The following ZBTB20 variants were observed in gnomAD, a reference collection of about 807,000 sequenced individuals.
The protein encoded by ZBTB20 is zinc finger and BTB domain containing 20, also known as zinc finger and BTB domain-containing protein 20.
In ZBTB20, 9 loss-of-function variants were observed where a neutral mutation model predicts 56.9. The ratio of observed to expected loss-of-function variants is 0.16; its 90% CI spans 0.10 to 0.28. The LOEUF is 0.28. Among genes scored for constraint, ZBTB20 ranks in the 10% least tolerant of loss-of-function variants. The probability of loss-of-function intolerance (pLI) is 1.00; values close to 1 mark genes in which losing one functional copy is unlikely to be tolerated. For synonymous variants in ZBTB20, 417 were observed against 420.7 expected (o/e 0.99, Z 0.11); for missense variants, 655 against 1,003.0 (o/e 0.65, Z 4.69).
intron 6 of ZBTB20, among the ~76,000 whole-genome samples, chr3:114,621,773 T>A (rs1286397557): frequency 6.6e-6 from 1 of 152,170 alleles, no homozygotes; most frequent in Admixed American, 6.5e-5. Flanking sequence ...ATTGAGTTAT[T>A]GACAGTGCAT....
chr3:114,549,196 A>G (rs1455545571), intron 6 of ZBTB20, among the ~76,000 whole-genome samples: 10 of 152,196 alleles, frequency 6.6e-5, no homozygotes, highest in Admixed American at 6.5e-4. Flanking sequence ...TGCTCATTTC[A>G]GATAGTCTCA....
At chr3:114,524,540 T>C (rs1372133815) in intron 6 of ZBTB20, among the ~76,000 whole-genome samples, 2 of 152,138 alleles carry the variant, frequency 1.3e-5, no homozygotes, top group African/African-American at 4.8e-5. Context: ...AAGGGGGAGT[T>C]ATGGGAACAC....
chr3:114,918,173 A>T (rs1339868983), intron 3 of ZBTB20, among the ~76,000 whole-genome samples: 2 of 151,680 alleles, frequency 1.3e-5, no homozygotes, highest in African/African-American at 2.4e-5. Flanking sequence ...CTAACAAGCT[A>T]CTGTCAATGT....
chr3:114,860,506 A>G (rs994633621), intron 4 of ZBTB20, among the ~76,000 whole-genome samples: 1 of 152,230 alleles, frequency 6.6e-6, no homozygotes, highest in South Asian at 2.1e-4. Context: ...CAGAACAATC[A>G]GAGATTTCCA....
intron 5 of ZBTB20, among the ~76,000 whole-genome samples, chr3:114,798,014 T>C (rs1657462865): frequency 6.6e-6 from 1 of 151,976 alleles, no homozygotes; most frequent in Non-Finnish European, 1.5e-5. Context: ...CCAGAGCAAG[T>C]AATTCATTTT....
intron 6 of ZBTB20, among the ~76,000 whole-genome samples, chr3:114,561,145 C>T (rs537932706): frequency 6.6e-6 from 1 of 152,278 alleles, no homozygotes; most frequent in East Asian, 1.9e-4. Context: ...TCAGGCTTCA[C>T]TTCTAATTCT....
At position 114,883,916 on chromosome 3, in the gene ZBTB20, C is replaced by CCTTTTTTTTTTTTTTTTTTTTTTTTTTTT. The variant is rs1223732179; in HGVS notation, c.-417+16387_-417+16388insAAAAAAAAAAAAAAAAAAAAAAAAAAAAG. Among the ~76,000 whole-genome samples the CCTTTTTTTTTTTTTTTTTTTTTTTTTTTT allele has an allele frequency of 1.4e-4, 13 of 89,774 alleles. 6 individuals carry two copies. The highest frequency in any genetic ancestry group is 1.6e-4 in the African/African-American group (4 of 25,040). The allele number at this position is 89,774 out of a possible 152,430, so 58.9% of individuals were successfully genotyped here. A position where few individuals can be genotyped will look rare whatever the true frequency, so the allele number is the denominator to read the frequency against. On this transcript the variant is annotated intron_variant, in intron 4 of 11. Coordinates refer to ENST00000675478, the MANE Select transcript of ZBTB20 (RefSeq NM_001348800.3). ...GTATAACTGGTAAGAATGGTGTGTT[C>CCTTTTTTTTTTTTTTTTTTTTTTTTTTTT]TTTTTTTTTTTTTTTTTTTTTTTTT...
chr3:114,370,397 C>T (rs1340893497), intron 10 of ZBTB20, among the ~76,000 whole-genome samples: 1 of 152,130 alleles, frequency 6.6e-6, no homozygotes, highest in East Asian at 1.9e-4. Flanking sequence ...TTCTTGACAA[C>T]AATCAGGAGG....
At chr3:115,118,703 A>ATTTTTTTTTTTTTTTT (rs35607205) in intron 1 of ZBTB20, among the ~76,000 whole-genome samples, 11 of 82,210 alleles carry the variant, frequency 1.3e-4, no homozygotes, top group Admixed American at 1.7e-4. Flanking sequence ...CCTGGTACAA[A>ATTTTTTTTTTTTTTTT]TTTTTTTTTT....
chr3:114,317,681 A>G lies in ZBTB20; in HGVS notation c.*21324T>C, dbSNP rs2078739197. Reference sequence around the variant, plus strand: ...TTCCACTAACACATCAACCTCCCCTATCACTTTTTAAAAAAATTGTAAAGA... The same window carrying G: ...TTCCACTAACACATCAACCTCCCCTGTCACTTTTTAAAAAAATTGTAAAGA... On this transcript the variant is annotated 3_prime_UTR_variant, in exon 12 of 12. Transcript: ENST00000675478. 1 of 152,216 alleles carries G rather than the reference A, an allele frequency of 6.6e-6. No individual in the cohort carries two copies. The highest frequency in any genetic ancestry group is 2.4e-5 in the African/African-American group (1 of 41,468). 9.4% of individuals were successfully genotyped at this position (152,216 alleles called of 1,614,324 possible).
intron 6 of ZBTB20, among the ~76,000 whole-genome samples, chr3:114,521,467 A>T (rs2046628446): frequency 6.6e-6 from 1 of 152,148 alleles, no homozygotes; most frequent in African/African-American, 2.4e-5. Context: ...AAGGTAGACA[A>T]TATTTTGTGT....
At chr3:115,086,504 A>T (rs905393360) in intron 1 of ZBTB20, among the ~76,000 whole-genome samples, 10 of 151,692 alleles carry the variant, frequency 6.6e-5, no homozygotes, top group South Asian at 2.1e-4. Context: ...AATAATATAT[A>T]AAAAAAACAA....
chr3:114,926,231 AG>A (rs2076152651), intron 3 of ZBTB20, among the ~76,000 whole-genome samples: 1 of 150,068 alleles, frequency 6.7e-6, no homozygotes, highest in South Asian at 2.1e-4. Flanking sequence ...AGATGCCCTC[AG>A]AAAAAGCCTC....
intron 4 of ZBTB20, among the ~76,000 whole-genome samples, chr3:114,821,102 A>G (rs2073215667): frequency 1.3e-5 from 2 of 152,170 alleles, no homozygotes; most frequent in African/African-American, 4.8e-5. Context: ...AATGGATGGA[A>G]CTTGGATTTT....
chr3:114,678,587 T>C (rs2061776477), intron 6 of ZBTB20, among the ~76,000 whole-genome samples: 2 of 152,208 alleles, frequency 1.3e-5, no homozygotes, highest in African/African-American at 4.8e-5. Flanking sequence ...AATCACTGCA[T>C]CTTATGTATG....
intron 2 of ZBTB20, among the ~76,000 whole-genome samples, chr3:115,053,812 A>G (rs974069529): frequency 1.3e-5 from 2 of 152,146 alleles, no homozygotes; most frequent in Non-Finnish European, 2.9e-5. Flanking sequence ...TAAGATGATA[A>G]TATCCAGAAA....
At chr3:114,519,580 T>C (rs1319379843) in intron 6 of ZBTB20, 2 of 152,182 alleles carry the variant, frequency 1.3e-5, no homozygotes, top group Non-Finnish European at 2.9e-5. Flanking sequence ...GAGGAGGGCA[T>C]GCGCTGATTT....
intron 6 of ZBTB20, among the ~76,000 whole-genome samples, chr3:114,577,518 T>C (rs1460034695): frequency 2.0e-5 from 3 of 152,156 alleles, no homozygotes; most frequent in South Asian, 2.1e-4. Context: ...AAAAAGAAGA[T>C]GATTAGTTAC....
chr3:114,479,015 T>A (rs1407183953), intron 7 of ZBTB20, among the ~76,000 whole-genome samples: 2 of 150,498 alleles, frequency 1.3e-5, no homozygotes, highest in African/African-American at 4.9e-5. Flanking sequence ...CAAAGTGCTA[T>A]AGTTACAGCT....
Sources: gnomAD v4.1 joint callset for allele counts (sites outside exome capture counted in the v4.1 genomes callset) on GRCh38, gnomAD v4.1.1 for gene constraint, MANE v1.5 for transcripts, NCBI Gene and HGNC (gene_info 2026-07-23, HGNC 2026-07-21) for gene names.